Variants in TRIO observed in about 807,000 individuals in gnomAD.
TRIO encodes trio Rho guanine nucleotide exchange factor, also known as triple functional domain protein.
TRIO carries 58 observed loss-of-function variants against 351.9 expected under a neutral mutation model. That is an observed-to-expected ratio of 0.16 (90% CI 0.13 to 0.21). The LOEUF is 0.21. TRIO is among the 10% of genes least tolerant of loss of function. The pLI is 1.00. For synonymous variants in TRIO, 1,758 were observed against 1,595.7 expected, an observed-to-expected ratio of 1.10 and a Z score of -2.42; for missense variants, 3,201 against 4,027.8, an observed-to-expected ratio of 0.79 and a Z score of 5.56.
At chr5:14,211,255 A>G (rs1791874181) in intron 1 of TRIO, among the ~76,000 whole-genome samples, 1 of 152,258 alleles carries the variant, frequency 6.6e-6, no homozygotes, top group Non-Finnish European at 1.5e-5. Flanking sequence ...AGAAAGAATC[A>G]TCATCTCAAA....
intron 1 of TRIO, among the ~76,000 whole-genome samples, chr5:14,204,977 TG>T (rs1388729280): frequency 1.4e-4 from 21 of 152,204 alleles, no homozygotes; most frequent in African/African-American, 4.1e-4. Flanking sequence ...CTGGGATGCG[TG>T]GTGTCACCCC....
At chr5:14,433,826 GATTT>G (rs1414238809) in intron 34 of TRIO, among the ~76,000 whole-genome samples, 4 of 150,060 alleles carry the variant, frequency 2.7e-5, no homozygotes, top group African/African-American at 1.0e-4. Flanking sequence ...CCAGTATTTT[GATTT>G]TGATTTTAAG....
Position 14,487,697 on chromosome 5 carries a change from G to T in TRIO, c.7069G>T (p.Ala2357Ser). The change falls in exon 48 of 57, where the codon GCC (alanine) becomes TCC (serine). Residue 2357 changes from alanine (A) to serine (S), a missense_variant. Ala to Ser is a moderately conservative substitution (Grantham distance 99, BLOSUM62 1). Coordinates refer to ENST00000344204, the MANE Select transcript of TRIO (RefSeq NM_007118.4). ...HHPPVLVSSA[A>S]SSQAEADKMS... ...CCCCCCCGTGCTGGTCTCCTCTGCA[G>T]CCTCGAGCCAGGCAGAGGCAGACAA... 6.9e-7 allele frequency: 1 copy of T among 1,440,172 alleles called. No homozygotes were observed. Among genetic ancestry groups the T allele is most frequent in the Non-Finnish European group, 9.2e-7 (1 of 1,087,300 alleles). 89.2% of individuals were successfully genotyped at this position (1,440,172 alleles called of 1,614,324 possible).
rs745663740 is a variant in TRIO, at chr5:14,390,214, A to G, written c.4059-17A>G. ...TAAAACACCTTTGTAATATGATACCATTTTTATTCTTTGCAGCATATTCCT... is the reference window on the plus strand; with the variant it reads ...TAAAACACCTTTGTAATATGATACCGTTTTTATTCTTTGCAGCATATTCCT... On this transcript the variant is annotated splice_polypyrimidine_tract_variant and intron_variant, in intron 25 of 56. Transcript: ENST00000344204. The G allele has an allele frequency of 1.2e-6, 2 of 1,611,178 alleles. No individual in the cohort carries two copies. The highest frequency in any genetic ancestry group is 1.7e-6 in the Non-Finnish European group (2 of 1,178,848).
intron 7 of TRIO, among the ~76,000 whole-genome samples, chr5:14,303,893 G>A (rs2152295486): frequency 6.6e-6 from 1 of 152,298 alleles, no homozygotes; most frequent in Admixed American, 6.5e-5. Flanking sequence ...TAATTCTGGT[G>A]TCAATTTCCT....
intron 34 of TRIO, among the ~76,000 whole-genome samples, chr5:14,438,322 TTTAC>T (rs1241355440): frequency 1.3e-5 from 2 of 152,348 alleles, no homozygotes; most frequent in East Asian, 1.9e-4. Flanking sequence ...CCTGACCCCC[TTTAC>T]TTACTTGCTA....
At chr5:14,362,153 G>A (rs931148706) in intron 13 of TRIO, among the ~76,000 whole-genome samples, 2 of 152,206 alleles carry the variant, frequency 1.3e-5, no homozygotes, top group African/African-American at 4.8e-5. Context: ...CCGAAGCACA[G>A]AGGACAGTAC....
chr5:14,494,892 C>T (rs1315780621), intron 49 of TRIO, among the ~76,000 whole-genome samples: 1 of 152,124 alleles, frequency 6.6e-6, no homozygotes, highest in African/African-American at 2.4e-5. Flanking sequence ...GAGTGAGACT[C>T]TGTCTCAAAA....
At position 14,253,501 on chromosome 5, in the gene TRIO, G is replaced by A. The variant is rs185590104; in HGVS notation, c.158-17324G>A. 1.6e-4 allele frequency among the ~76,000 whole-genome samples: 24 copies of A among 151,784 alleles called. No homozygotes were observed. In the East Asian group the frequency reaches 3.7e-3, roughly 23 times the overall value. On this transcript the variant is annotated intron_variant, in intron 1 of 56. Coordinates refer to ENST00000344204, the MANE Select transcript of TRIO (RefSeq NM_007118.4). ...CTGAGTAGCTGGGACCACAGGTCCC[G>A]GCTGATTTCTTTTTTTTTGTGGAGA...
chr5:14,393,740 G>T (rs1359849232), intron 27 of TRIO, among the ~76,000 whole-genome samples: 9 of 152,114 alleles, frequency 5.9e-5, no homozygotes, highest in Non-Finnish European at 1.2e-4. Context: ...ACAGATCATT[G>T]CATGTAAAGG....
intron 1 of TRIO, among the ~76,000 whole-genome samples, chr5:14,206,123 G>A (rs33004): frequency 0.43 from 65,751 of 152,058 alleles, 16,650 homozygotes; most frequent in Non-Finnish European, 0.56. Flanking sequence ...GTGCAGTGGC[G>A]CAATCTCAGC....
At position 14,381,307 on chromosome 5, in the gene TRIO, A is replaced by G. The variant is rs1418547207; in HGVS notation, c.3570+55A>G. ...CCTCTAAGTCGAAAGCGAGTCTTCA[A>G]AAATATCATAAAGAAATACCTCATG... is the stretch of plus-strand genomic sequence containing the variant. On this transcript the variant is annotated intron_variant, in intron 21 of 56. Coordinates refer to ENST00000344204, the MANE Select transcript of TRIO (RefSeq NM_007118.4). 6 of 1,534,286 alleles carry G rather than the reference A, an allele frequency of 3.9e-6. No homozygotes were observed. The Admixed American group carries it at 8.8e-5, about 22-fold the overall frequency.
chr5:14,180,759 G>A (rs1390463016), intron 1 of TRIO, among the ~76,000 whole-genome samples: 1 of 152,024 alleles, frequency 6.6e-6, no homozygotes, highest in Non-Finnish European at 1.5e-5. Flanking sequence ...GAGCCCAGGA[G>A]TTTGAAGCTG....
chr5:14,153,145 G>T (rs547676603), intron 1 of TRIO, among the ~76,000 whole-genome samples: 1 of 152,250 alleles, frequency 6.6e-6, no homozygotes, highest in African/African-American at 2.4e-5. Flanking sequence ...GAATCACACA[G>T]ATTTTCGGTG....
At chr5:14,374,160 T>G in intron 18 of TRIO, 69 bp from the exon 19 acceptor site, 1 of 1,137,734 alleles carries the variant, frequency 8.8e-7, no homozygotes, top group African/African-American at 1.5e-5. Context: ...TAGAGTGCAG[T>G]GATGTGTACT....
intron 48 of TRIO, among the ~76,000 whole-genome samples, chr5:14,491,560 G>A (rs760923809): frequency 5.9e-5 from 9 of 152,208 alleles, no homozygotes; most frequent in Admixed American, 1.3e-4. Flanking sequence ...CATAGGCCAC[G>A]CGCTAGATGA....
chr5:14,385,238 A>G (rs767716687), intron 21 of TRIO, among the ~76,000 whole-genome samples: 2 of 152,194 alleles, frequency 1.3e-5, no homozygotes, highest in Non-Finnish European at 2.9e-5. Context: ...AGGTCTCACA[A>G]TGTGTGTTAC....
At chr5:14,292,894 G>A in intron 5 of TRIO, 118 bp from the exon 6 acceptor site, 1 of 1,417,478 alleles carries the variant, frequency 7.1e-7, no homozygotes, top group South Asian at 1.3e-5. Flanking sequence ...GAATCAGACA[G>A]CGCTTGAAGT....
intron 7 of TRIO, among the ~76,000 whole-genome samples, chr5:14,302,691 T>C (rs1209109505): frequency 6.6e-6 from 1 of 152,216 alleles, no homozygotes; most frequent in African/African-American, 2.4e-5. Flanking sequence ...AAAAATAAAC[T>C]GGGAGTTTGT....
Sources: gnomAD v4.1 joint callset for allele counts (sites outside exome capture counted in the v4.1 genomes callset) on GRCh38, gnomAD v4.1.1 for gene constraint, MANE v1.5 for transcripts, NCBI Gene and HGNC (gene_info 2026-07-23, HGNC 2026-07-21) for gene names.